DPP10: variants seen among roughly 807,000 people sequenced by gnomAD.
DPP10 encodes the protein dipeptidyl peptidase like 10, also known as inactive dipeptidyl peptidase 10.
Under a neutral mutation model 120.9 loss-of-function variants are expected in DPP10, and 33 were observed. The observed-to-expected ratio is 0.27, with a 90% confidence interval of 0.21 to 0.37. The LOEUF (loss-of-function observed/expected upper bound fraction) is 0.37. DPP10 is among the 10% of genes least tolerant of loss of function. DPP10 has a pLI of 1.00. For missense variants in DPP10, 816 were observed against 942.8 expected (o/e 0.87, Z 1.76); for synonymous variants, 337 against 326.1 (o/e 1.03, Z -0.36).
chr2:114,467,159 C>G (rs533422732), intron 1 of DPP10, among the ~76,000 whole-genome samples: 1 of 152,094 alleles, frequency 6.6e-6, no homozygotes, highest in East Asian at 1.9e-4. Context: ...AAAGAGGCAA[C>G]CTTACACTTT....
chr2:114,816,011 C>T (rs754524024), intron 1 of DPP10, among the ~76,000 whole-genome samples: 1 of 151,986 alleles, frequency 6.6e-6, no homozygotes, highest in Non-Finnish European at 1.5e-5. Context: ...GGCATCCCAA[C>T]AGTAAATATA....
At chr2:115,279,572 G>C (rs1258139554) in intron 1 of DPP10, among the ~76,000 whole-genome samples, 1 of 146,268 alleles carries the variant, frequency 6.8e-6, no homozygotes, top group African/African-American at 2.5e-5. Context: ...ATAGAATCTT[G>C]TCATCAGACA....
intron 1 of DPP10, among the ~76,000 whole-genome samples, chr2:114,686,164 T>G (rs185964275): frequency 3.9e-4 from 60 of 152,058 alleles, no homozygotes; most frequent in Admixed American, 2.4e-3. Context: ...GCACTCTGAT[T>G]ATAGCCTCAG....
intron 3 of DPP10, among the ~76,000 whole-genome samples, chr2:115,389,579 G>A (rs2067189051): frequency 6.6e-6 from 1 of 152,204 alleles, no homozygotes; most frequent in South Asian, 2.1e-4. Flanking sequence ...TGAACCTAAT[G>A]TTATGAAGTC....
chr2:114,866,146 A>AATAAATAG (rs1275288094), intron 1 of DPP10, among the ~76,000 whole-genome samples: 2 of 151,020 alleles, frequency 1.3e-5, no homozygotes, highest in Non-Finnish European at 2.9e-5. Flanking sequence ...TAAATAAATA[A>AATAAATAG]ATAAACTTAT....
intron 1 of DPP10, among the ~76,000 whole-genome samples, chr2:115,073,866 GC>G (rs1707571338): frequency 2.0e-5 from 3 of 152,280 alleles, no homozygotes; most frequent in Admixed American, 1.3e-4. Context: ...CTGAATGGTA[GC>G]TTTTTTATAC....
chr2:115,808,972 A>G (rs955076091), intron 19 of DPP10, among the ~76,000 whole-genome samples: 7 of 152,246 alleles, frequency 4.6e-5, no homozygotes, highest in Non-Finnish European at 1.0e-4. Flanking sequence ...CTTATAAAAA[A>G]AGGAATTCAA....
chr2:114,907,895 A>C (rs1478816056), intron 1 of DPP10, among the ~76,000 whole-genome samples: 1 of 151,972 alleles, frequency 6.6e-6, no homozygotes. Context: ...TTATTATTGG[A>C]AATTGAGTAT....
At chr2:114,756,296 G>A (rs1308395625) in intron 1 of DPP10, among the ~76,000 whole-genome samples, 1 of 152,104 alleles carries the variant, frequency 6.6e-6, no homozygotes, top group Non-Finnish European at 1.5e-5. Flanking sequence ...GGCAAAGGAG[G>A]GTGTCTAGCT....
chr2:115,297,100 G>A (rs558071726), intron 1 of DPP10, among the ~76,000 whole-genome samples: 3 of 152,114 alleles, frequency 2.0e-5, no homozygotes, highest in East Asian at 1.9e-4. Context: ...TGGAAAGCTC[G>A]TAAATACTGT....
intron 3 of DPP10, among the ~76,000 whole-genome samples, chr2:115,481,686 CT>C (rs2075438504): frequency 6.6e-6 from 1 of 151,996 alleles, no homozygotes; most frequent in Admixed American, 6.6e-5. Context: ...ATAAAATTTA[CT>C]GATAAAGTAA....
At chr2:114,880,969 A>C (rs1405575404) in intron 1 of DPP10, among the ~76,000 whole-genome samples, 1 of 152,172 alleles carries the variant, frequency 6.6e-6, no homozygotes, top group Non-Finnish European at 1.5e-5. Context: ...CAGCTGTCTT[A>C]AGTCAGTACT....
At chr2:115,699,405 C>A (rs1364370055) in intron 7 of DPP10, among the ~76,000 whole-genome samples, 1 of 152,112 alleles carries the variant, frequency 6.6e-6, no homozygotes, top group Non-Finnish European at 1.5e-5. Flanking sequence ...AGTTTGAGAC[C>A]AGCCTGGCCA....
chr2:115,006,781 AC>A (rs1320561432), intron 1 of DPP10, among the ~76,000 whole-genome samples: 1 of 151,920 alleles, frequency 6.6e-6, no homozygotes, highest in African/African-American at 2.4e-5. Context: ...AGACTTTAAC[AC>A]CCCACTGTCA....
intron 5 of DPP10, among the ~76,000 whole-genome samples, chr2:115,589,679 TA>T (rs762320275): frequency 6.6e-5 from 10 of 152,224 alleles, no homozygotes; most frequent in South Asian, 2.1e-4. Flanking sequence ...TTCCATGTTT[TA>T]AAAACATAAT....
intron 1 of DPP10, among the ~76,000 whole-genome samples, chr2:114,515,156 T>C (rs1264224151): frequency 1.3e-5 from 2 of 152,238 alleles, no homozygotes; most frequent in Non-Finnish European, 2.9e-5. Flanking sequence ...TCCAATTTCA[T>C]CTCACGATCA....
At chr2:115,729,704 G>A (rs766730859) in intron 8 of DPP10, among the ~76,000 whole-genome samples, 2 of 152,200 alleles carry the variant, frequency 1.3e-5, no homozygotes, top group South Asian at 4.1e-4. Context: ...GAGCTCGGGA[G>A]TTGAAGACTG....
chr2:115,238,613 T>C (rs1012369379), intron 1 of DPP10, among the ~76,000 whole-genome samples: 2 of 151,784 alleles, frequency 1.3e-5, no homozygotes. Flanking sequence ...AGAAGTGGAG[T>C]CTCCAGAAGT....
chr2:115,713,136 A>G (rs2092384785), intron 7 of DPP10, among the ~76,000 whole-genome samples: 1 of 152,228 alleles, frequency 6.6e-6, no homozygotes, highest in East Asian at 1.9e-4. Context: ...TGATGTAAAA[A>G]AAATTAAAAA....
Sources: gnomAD v4.1 joint callset for allele counts (sites outside exome capture counted in the v4.1 genomes callset) on GRCh38, gnomAD v4.1.1 for gene constraint, MANE v1.5 for transcripts, NCBI Gene and HGNC (gene_info 2026-07-23, HGNC 2026-07-21) for gene names.